GLI3: variants seen among roughly 807,000 people sequenced by gnomAD.
GLI3 encodes the protein transcription activator GLI3.
Under a neutral mutation model 100.8 loss-of-function variants are expected in GLI3, and 20 were observed. The ratio of observed to expected loss-of-function variants is 0.20; its 90% CI spans 0.14 to 0.29. The LOEUF (loss-of-function observed/expected upper bound fraction) is 0.29, where lower values mean the gene tolerates loss of function less well. Ranked by LOEUF, GLI3 falls within the 10% of genes least tolerant of loss-of-function variation. The pLI is 1.00. For missense variants in GLI3, 2,040 were observed against 2,128.5 expected (o/e 0.96, Z 0.82); for synonymous variants, 938 against 860.5 (o/e 1.09, Z -1.58).
intron 3 of GLI3, among the ~76,000 whole-genome samples, chr7:42,101,837 T>TCC (rs538820301): frequency 1.0e-5 from 1 of 99,714 alleles, no homozygotes; most frequent in African/African-American, 5.4e-5. Flanking sequence ...CCCTCCACCC[T>TCC]CTCCCACCCC....
At chr7:42,077,237 A>G (rs1784898856) in intron 3 of GLI3, among the ~76,000 whole-genome samples, 1 of 152,154 alleles carries the variant, frequency 6.6e-6, no homozygotes, top group Admixed American at 6.5e-5. Context: ...ATAAAACTAC[A>G]TTGTCAAGTT....
At chr7:42,195,637 G>A (rs759535677) in intron 2 of GLI3, among the ~76,000 whole-genome samples, 2 of 152,082 alleles carry the variant, frequency 1.3e-5, no homozygotes, top group Non-Finnish European at 2.9e-5. Context: ...GCTCTATTGC[G>A]GCAATCATCA....
intron 10 of GLI3, among the ~76,000 whole-genome samples, chr7:42,000,993 T>C (rs938958042): frequency 6.6e-6 from 1 of 151,974 alleles, no homozygotes; most frequent in Admixed American, 6.5e-5. Context: ...ATGCCTGTAA[T>C]CCCAGCACTT....
chr7:42,015,755 C>G (rs535593151), intron 10 of GLI3, among the ~76,000 whole-genome samples: 1 of 151,598 alleles, frequency 6.6e-6, no homozygotes, highest in East Asian at 1.9e-4. Context: ...ACACACCCAC[C>G]CCCCCACACA....
intron 10 of GLI3, among the ~76,000 whole-genome samples, chr7:42,004,743 T>C (rs1007064545): frequency 2.6e-5 from 4 of 152,158 alleles, no homozygotes; most frequent in East Asian, 3.9e-4. Flanking sequence ...TCCCAAAGTG[T>C]TGGGATTCCA....
intron 10 of GLI3, among the ~76,000 whole-genome samples, chr7:42,011,196 T>C (rs1025671202): frequency 6.6e-6 from 1 of 152,138 alleles, no homozygotes; most frequent in Admixed American, 6.5e-5. Flanking sequence ...GATAGCAGTG[T>C]CATAGAGCAC....
intron 11 of GLI3, 65 bp from the exon 12 acceptor site, chr7:41,977,787 C>T (rs1204267787): frequency 9.2e-6 from 13 of 1,411,328 alleles, no homozygotes; most frequent in African/African-American, 2.8e-5. Flanking sequence ...GCCTAACACG[C>T]CCTCCAAGTT....
In GLI3 at chr7:42,055,065, G is replaced by GTATATATACATA. The variant is rs1562706182; in HGVS notation, c.474-6370_474-6369insTATGTATATATA. On this transcript the variant is annotated intron_variant, in intron 4 of 14. Transcript: ENST00000395925. Reference sequence around the variant, plus strand: ...CATATATATATACACACACATATATGTATACATATATATGTATATATACAT... The same window carrying GTATATATACATA: ...CATATATATATACACACACATATATGTATATATACATATATACATATATATGTATATATACAT... Among the ~76,000 whole-genome samples the GTATATATACATA allele has an allele frequency of 4.9e-3, 390 of 80,400 alleles. 1 individual carries two copies. The highest frequency in any genetic ancestry group is 0.015 in the African/African-American group (295 of 19,592). The allele number at this position is 80,400 out of a possible 152,430, so 52.7% of individuals were successfully genotyped here.
rs146977365 is a variant in GLI3 at position 42,119,550 on chromosome 7, A to G, written c.367+28676T>C. 3.1e-3 allele frequency among the ~76,000 whole-genome samples: 473 copies of G among 152,328 alleles called. 2 individuals carry two copies. The highest frequency in any genetic ancestry group is 0.014 in the South Asian group (69 of 4,822). ...TAAGGCTTGGGAGTACCTGCTTGTT[A>G]TATCAGCTGGGTCCCTTCCCTGCAT... On this transcript the variant is annotated intron_variant, in intron 3 of 14. Coordinates refer to ENST00000395925, the MANE Select transcript of GLI3 (RefSeq NM_000168.6).
chr7:42,223,301 G>GA lies in GLI3; in HGVS notation c.-42-7dup. The GA allele has an allele frequency of 6.8e-7, 1 of 1,466,674 alleles. No individual in the cohort carries two copies. Among genetic ancestry groups the GA allele is most frequent in the Non-Finnish European group, 9.3e-7 (1 of 1,074,524 alleles). 90.9% of individuals were successfully genotyped at this position (1,466,674 alleles called of 1,614,324 possible). ...TCTCTTCGACCAAAAATGCCCTAAA[G>GA]AAAACAACAGAGCCATCAACTTTCC... On this transcript the variant is annotated splice_region_variant and splice_polypyrimidine_tract_variant and intron_variant, in intron 1 of 14. Transcript: ENST00000395925.
At chr7:42,139,928 C>T (rs1786525392) in intron 3 of GLI3, among the ~76,000 whole-genome samples, 1 of 152,160 alleles carries the variant, frequency 6.6e-6, no homozygotes, top group Non-Finnish European at 1.5e-5. Flanking sequence ...AGTAATCACC[C>T]CAGACTCTTG....
chr7:42,238,027 T>G, upstream of GLI3, among the ~76,000 whole-genome samples: 1 of 135,518 alleles, frequency 7.4e-6, no homozygotes, highest in African/African-American at 2.8e-5. Flanking sequence ...CTCCTCCTTC[T>G]CCTCCTCCTC....
intron 2 of GLI3, 83 bp from the exon 3 acceptor site, chr7:42,148,551 C>T (rs1786778810): frequency 8.9e-6 from 11 of 1,238,790 alleles, no homozygotes; most frequent in South Asian, 4.8e-5. Flanking sequence ...GTCTCATTCT[C>T]GATATCCCTC....
chr7:42,113,706 C>A (rs569545690), intron 3 of GLI3: 8 of 692,268 alleles, frequency 1.2e-5, no homozygotes, highest in Non-Finnish European at 2.1e-5. Context: ...TATAAAAATG[C>A]AGAATTTTGT....
intron 3 of GLI3, among the ~76,000 whole-genome samples, chr7:42,115,455 C>T (rs1463917804): frequency 3.9e-5 from 6 of 152,182 alleles, no homozygotes; most frequent in Admixed American, 2.0e-4. Flanking sequence ...CCTACATTTT[C>T]GGAAACTTCA....
At position 42,094,557 on chromosome 7, in the gene GLI3, G is replaced by A. The variant is rs186376853; in HGVS notation, c.368-17700C>T. 6.9e-3 allele frequency among the ~76,000 whole-genome samples: 1,032 copies of A among 148,854 alleles called. 13 individuals carry two copies. The highest frequency in any genetic ancestry group is 0.025 in the African/African-American group (989 of 40,332). Reference sequence around the variant, plus strand: ...TCGAGACCAGCCTGGCCAACATGTCGAAACCCCATCTCTACTAAAAATACA... The same window carrying A: ...TCGAGACCAGCCTGGCCAACATGTCAAAACCCCATCTCTACTAAAAATACA... On this transcript the variant is annotated intron_variant, in intron 3 of 14. Transcript: ENST00000395925.
chr7:41,986,195 G>A (rs1000468899), intron 10 of GLI3, among the ~76,000 whole-genome samples: 4 of 152,126 alleles, frequency 2.6e-5, no homozygotes, highest in African/African-American at 9.7e-5. Flanking sequence ...AAAAAAATAC[G>A]CTTCTTGGTT....
chr7:42,148,196 G>A, intron 3 of GLI3, 30 bp downstream of exon 3: 1 of 1,584,494 alleles, frequency 6.3e-7, no homozygotes, highest in Non-Finnish European at 8.6e-7. Context: ...CATAGCTCCT[G>A]AACAAGTGCC....
upstream of GLI3, among the ~76,000 whole-genome samples, chr7:42,242,740 T>A (rs1333685096): frequency 2.6e-5 from 4 of 152,190 alleles, no homozygotes; most frequent in Admixed American, 2.6e-4. Context: ...TAGTTGATCT[T>A]GTCTTTTAAG....
Sources: allele counts gnomAD v4.1 joint callset (sites outside exome capture counted in the v4.1 genomes callset), GRCh38; gene constraint gnomAD v4.1.1; transcripts MANE v1.5; gene names NCBI Gene and HGNC (gene_info 2026-07-23, HGNC 2026-07-21).